Variants in TJP1 observed in about 807,000 individuals in gnomAD.
TJP1 encodes the protein tight junction protein 1.
Under a neutral mutation model 194.2 loss-of-function variants are expected in TJP1, and 43 were observed. The ratio of observed to expected loss-of-function variants is 0.22; its 90% CI spans 0.17 to 0.29. The LOEUF (loss-of-function observed/expected upper bound fraction) is 0.29. TJP1 is among the 10% of genes least tolerant of loss of function. The pLI is 1.00. For synonymous variants in TJP1, 801 were observed against 779.0 expected (o/e 1.03, Z -0.47); for missense variants, 1,971 against 2,185.7 (o/e 0.90, Z 1.96).
intron 1 of TJP1, among the ~76,000 whole-genome samples, chr15:29,812,324 T>A (rs1331645961): frequency 1.3e-5 from 2 of 152,224 alleles, no homozygotes; most frequent in African/African-American, 4.8e-5. Flanking sequence ...TTTGTACACA[T>A]GGCAATATAT....
chr15:29,723,420 T>C (rs1427340308), intron 18 of TJP1, among the ~76,000 whole-genome samples: 2 of 152,198 alleles, frequency 1.3e-5, no homozygotes, highest in East Asian at 3.9e-4. Flanking sequence ...GCTCCAACCA[T>C]GTAAGACATG....
At chr15:29,754,422 T>C (rs1050987227) in intron 8 of TJP1, among the ~76,000 whole-genome samples, 3 of 152,108 alleles carry the variant, frequency 2.0e-5, no homozygotes, top group African/African-American at 7.2e-5. Context: ...ATACTGGGTT[T>C]AACATCTGGG....
At chr15:29,925,051 T>C (rs1033364945) in intron 2 of TJP1, among the ~76,000 whole-genome samples, 2 of 152,186 alleles carry the variant, frequency 1.3e-5, no homozygotes, top group African/African-American at 4.8e-5. Context: ...AGCATCTTCT[T>C]GTTGAACCCA....
At position 29,870,335 on chromosome 15, in the gene TJP1, T is replaced by C. The variant is rs147377337; in HGVS notation, c.307-69633A>G. Among the ~76,000 whole-genome samples the C allele has an allele frequency of 3.3e-3, 496 of 152,346 alleles. 4 individuals carry two copies. Among genetic ancestry groups the C allele is most frequent in the Non-Finnish European group, 5.9e-3 (402 of 68,030 alleles). On this transcript the variant is annotated intron_variant, in intron 2 of 28. Coordinates refer to the TJP1 transcript ENST00000356107. ...AAAAAGAGAAAGGGATCCAAGAGTT[T>C]AGAATAGTTTTCTAATAAATTTAAG... is the stretch of plus-strand genomic sequence containing the variant.
At position 29,841,514 on chromosome 15, in the gene TJP1, T is replaced by C. The variant is rs116720037; in HGVS notation, c.307-40812A>G. On this transcript the variant is annotated intron_variant, in intron 2 of 28. Coordinates refer to the TJP1 transcript ENST00000356107. ...AAAAATATGAAAAGGCTGCATTTCT[T>C]TATATGCTATAATTTTACTTTGTGA... Among the ~76,000 whole-genome samples the C allele has an allele frequency of 5.8e-3, 881 of 152,318 alleles. 10 individuals are homozygous for C. The highest frequency in any genetic ancestry group is 0.02 in the African/African-American group (818 of 41,570).
rs367791098 is a variant in TJP1 at position 29,722,162 on chromosome 15, A to C, written c.2413-1454T>G. 4.6e-5 allele frequency among the ~76,000 whole-genome samples: 7 copies of C among 152,368 alleles called. No individual in the cohort carries two copies. In the South Asian group the frequency reaches 1.4e-3, roughly 32 times the overall value. On this transcript the variant is annotated intron_variant, in intron 18 of 27. Coordinates refer to ENST00000614355, the MANE Select transcript of TJP1 (RefSeq NM_001330239.4). ...GCTGGCTGCAGAAATTTGTTAAGTA[A>C]CGAGGGACAGAATATTAACAGACAA...
At chr15:29,865,085 T>C (rs757915329) in intron 2 of TJP1, among the ~76,000 whole-genome samples, 4 of 152,166 alleles carry the variant, frequency 2.6e-5, no homozygotes, top group Admixed American at 2.0e-4. Context: ...TTTGCTTGAG[T>C]TGAAAATCTA....
intron 1 of TJP1, among the ~76,000 whole-genome samples, chr15:29,809,951 G>C (rs967621159): frequency 6.6e-6 from 1 of 152,134 alleles, no homozygotes; most frequent in Non-Finnish European, 1.5e-5. Context: ...ATCTTTTAGA[G>C]ATATATATTC....
At chr15:29,844,056 T>C (rs2051323005) in intron 2 of TJP1, among the ~76,000 whole-genome samples, 2 of 152,154 alleles carry the variant, frequency 1.3e-5, no homozygotes, top group African/African-American at 4.8e-5. Context: ...TTTTTGTGTG[T>C]TGTTTTGAAA....
intron 5 of TJP1, 73 bp from the exon 6 acceptor site, chr15:29,762,511 T>C (rs965747774): frequency 1.9e-6 from 2 of 1,043,030 alleles, no homozygotes; most frequent in Admixed American, 2.2e-5. Context: ...AGTATACAAC[T>C]AAACTAATTA....
rs775862722 is a variant in TJP1, at chr15:29,720,387, A to T, written c.2734T>A (p.Ser912Thr). The T allele has an allele frequency of 1.2e-5, 20 of 1,604,702 alleles. No homozygotes were observed. Among genetic ancestry groups the T allele is most frequent in the African/African-American group, 2.7e-5 (2 of 74,770 alleles). The change falls in exon 19 of 28, where the codon TCC (serine) becomes ACC (threonine). Residue 912 changes from serine to threonine, a missense_variant. By Grantham distance (58) the Ser-to-Thr change is moderately conservative (BLOSUM62 1). Around this residue, in one of 5 missense-constraint regions of TJP1, gnomAD observed 1,108 missense variants for 1,128.5 expected, o/e 0.98. Coordinates refer to ENST00000614355, the MANE Select transcript of TJP1 (RefSeq NM_001330239.4). ...TGAGAGGCTGGCTTAAATCCAGGGGAGTCTATTCTATGAATTGGTTGTGGC... is the reference window on the plus strand; with the variant it reads ...TGAGAGGCTGGCTTAAATCCAGGGGTGTCTATTCTATGAATTGGTTGTGGC... ...AQPQPIHRID[S>T]PGFKPASQQK...
At chr15:29,949,533 C>CCACCTT (rs2055503709) in intron 2 of TJP1, among the ~76,000 whole-genome samples, 1 of 138,382 alleles carries the variant, frequency 7.2e-6, no homozygotes, top group African/African-American at 2.7e-5. Context: ...ACCACCACCT[C>CCACCTT]CACCACCACC....
chr15:29,740,384 G>T (rs2044330059), intron 10 of TJP1, among the ~76,000 whole-genome samples: 1 of 152,134 alleles, frequency 6.6e-6, no homozygotes. Flanking sequence ...CTAGCACTTT[G>T]GGAGGCTGAG....
intron 2 of TJP1, among the ~76,000 whole-genome samples, chr15:29,943,754 G>C (rs1250774831): frequency 6.7e-6 from 1 of 150,316 alleles, no homozygotes; most frequent in Non-Finnish European, 1.5e-5. Flanking sequence ...TTTGAGACCA[G>C]CCTGGCCAAA....
intron 12 of TJP1, 123 bp downstream of exon 12, chr15:29,734,151 G>A (rs1199131810): frequency 1.6e-6 from 1 of 638,366 alleles, no homozygotes; most frequent in Non-Finnish European, 2.6e-6. Context: ...AACTTTCTTT[G>A]AGATTAACAA....
chr15:29,804,524 T>C (rs576470700), intron 1 of TJP1, among the ~76,000 whole-genome samples: 1 of 151,828 alleles, frequency 6.6e-6, no homozygotes, highest in Non-Finnish European at 1.5e-5. Context: ...GGTGTGGAGG[T>C]TCCTTTGGAA....
At chr15:29,936,211 G>A (rs1316959353) in intron 2 of TJP1, among the ~76,000 whole-genome samples, 2 of 151,366 alleles carry the variant, frequency 1.3e-5, no homozygotes, top group East Asian at 1.9e-4. Flanking sequence ...TGGTATCTTC[G>A]AAGACTCTCC....
chr15:29,702,552 T>C (rs2041617011), intron 27 of TJP1, among the ~76,000 whole-genome samples: 2 of 152,118 alleles, frequency 1.3e-5, no homozygotes, highest in African/African-American at 2.4e-5. Context: ...GTTTTGCTTG[T>C]TACCACTGGC....
rs34349814 is a variant in TJP1, at chr15:29,748,945, T to A, written c.1011-6164A>T. 5.8e-4 allele frequency among the ~76,000 whole-genome samples: 19 copies of A among 32,912 alleles called. No individual in the cohort carries two copies. The South Asian group carries it at 5.8e-3, about 10-fold the overall frequency. 21.6% of individuals were successfully genotyped at this position (32,912 alleles called of 152,430 possible). A position where few individuals can be genotyped will look rare whatever the true frequency, so the allele number is the denominator to read the frequency against. On this transcript the variant is annotated intron_variant, in intron 8 of 27. Coordinates refer to ENST00000614355, the MANE Select transcript of TJP1 (RefSeq NM_001330239.4). ...AAATGTGTGTGTGTGTGTGTGTGTG[T>A]GTGTGTGTGCGCGTGTGTGCGCGCG... is the stretch of plus-strand genomic sequence containing the variant.
Sources: allele counts gnomAD v4.1 joint callset (sites outside exome capture counted in the v4.1 genomes callset), GRCh38; gene constraint gnomAD v4.1.1; regional missense constraint gnomAD v4.1.1; transcripts MANE v1.5; gene names NCBI Gene and HGNC (gene_info 2026-07-23, HGNC 2026-07-21).